Variants in TFG observed in about 807,000 individuals in gnomAD.
TFG encodes the protein protein TFG.
Under a neutral mutation model 51.4 loss-of-function variants are expected in TFG, and 22 were observed. That is an observed-to-expected ratio of 0.43 (90% CI 0.31 to 0.61). TFG has a LOEUF of 0.61. Among genes scored for constraint, TFG ranks in the 20% least tolerant of loss-of-function variants. The pLI, the probability that TFG is intolerant of heterozygous loss-of-function variation, is 0.12. For synonymous variants in TFG, 187 were observed against 165.6 expected (o/e 1.13, Z -0.99); for missense variants, 419 against 487.7 (o/e 0.86, Z 1.33).
Position 100,748,527 on chromosome 3 carries a change from G to A in TFG, c.1199G>A (p.Arg400Gln), listed in dbSNP as rs963151000. Residue 400 changes from arginine to glutamine, a missense_variant, in exon 8 of 8, where the codon CGA becomes CAA. By Grantham distance (43) the Arg-to-Gln change is conservative. Coordinates refer to ENST00000240851, the MANE Select transcript of TFG (RefSeq NM_006070.6). ...QGYTQPGPGY[R>Q] ...TATACCCAACCTGGACCTGGTTATCGATAAGGAGGCTCCTCTACACCAATT... is the reference window on the plus strand; with the variant it reads ...TATACCCAACCTGGACCTGGTTATCAATAAGGAGGCTCCTCTACACCAATT... 11 of 1,609,582 alleles carry A rather than the reference G, an allele frequency of 6.8e-6. No homozygotes were observed. Among genetic ancestry groups the A allele is most frequent in the East Asian group, 2.2e-5 (1 of 44,800 alleles).
chr3:100,710,895 G>C (rs1028910919), intron 1 of TFG: 1 of 152,160 alleles, frequency 6.6e-6, no homozygotes, highest in African/African-American at 2.4e-5. Context: ...AGTAATGTTG[G>C]GTTGGGATTT....
At chr3:100,736,452 C>T (rs901326385) in intron 5 of TFG, 124 bp from the exon 6 acceptor site, 6 of 984,748 alleles carry the variant, frequency 6.1e-6, no homozygotes, top group Admixed American at 2.6e-5. Context: ...TGTAAAAAGG[C>T]GTATTTGTGG....
intron 2 of TFG, 91 bp downstream of exon 2, chr3:100,713,960 G>C (rs963004546): frequency 7.5e-6 from 6 of 804,112 alleles, no homozygotes; most frequent in Non-Finnish European, 1.1e-5. Flanking sequence ...GAGTACAGTG[G>C]TGTGATCATA....
intron 5 of TFG, 145 bp from the exon 6 acceptor site, chr3:100,736,431 C>T: frequency 2.5e-6 from 2 of 810,766 alleles, no homozygotes; most frequent in South Asian, 4.4e-5. Context: ...AAATAAAGTA[C>T]ATACATTTAA....
chr3:100,709,453 AG>A (rs1038336742), upstream of TFG: 1 of 152,154 alleles, frequency 6.6e-6, no homozygotes, highest in Non-Finnish European at 1.5e-5. Flanking sequence ...CGCAATAAGG[AG>A]GGGCGAAAGG....
intron 6 of TFG, among the ~76,000 whole-genome samples, chr3:100,737,113 G>A (rs1286309964): frequency 1.3e-5 from 2 of 152,178 alleles, no homozygotes; most frequent in Non-Finnish European, 2.9e-5. Flanking sequence ...TTTCTGAATA[G>A]AGGTAAAGGA....
At chr3:100,712,334 G>A (rs1559703082) in intron 1 of TFG, among the ~76,000 whole-genome samples, 1 of 152,144 alleles carries the variant, frequency 6.6e-6, no homozygotes, top group Non-Finnish European at 1.5e-5. Context: ...CACATACCCC[G>A]AAAGAATAAA....
At chr3:100,715,698 G>A (rs1344861680) in intron 2 of TFG, among the ~76,000 whole-genome samples, 1 of 151,780 alleles carries the variant, frequency 6.6e-6, no homozygotes, top group African/African-American at 2.4e-5. Context: ...CTGTGACTTT[G>A]AAATGTGTGT....
At position 100,725,920 on chromosome 3, in the gene TFG, T is replaced by C. The variant is rs143508894; in HGVS notation, c.269-2792T>C. Among the ~76,000 whole-genome samples, 523 of 152,364 alleles carry C rather than the reference T, an allele frequency of 3.4e-3. 5 individuals carry two copies. Among genetic ancestry groups the C allele is most frequent in the Non-Finnish European group, 5.0e-3 (342 of 68,036 alleles). On this transcript the variant is annotated intron_variant, in intron 3 of 7. Transcript: ENST00000240851. Reference sequence around the variant, plus strand: ...TCACACTAATGAAGATACATTATTATGTGTGCTAGGGTTCTCCAGAGGGAT... The same window carrying C: ...TCACACTAATGAAGATACATTATTACGTGTGCTAGGGTTCTCCAGAGGGAT...
chr3:100,718,549 GTTTTTTT>G (rs57611480), intron 2 of TFG, among the ~76,000 whole-genome samples: 15 of 60,074 alleles, frequency 2.5e-4, no homozygotes, highest in African/African-American at 8.4e-4. Context: ...GTATTTCATG[GTTTTTTT>G]TTTTTTTTTT....
intron 2 of TFG, among the ~76,000 whole-genome samples, chr3:100,716,717 A>G (rs1415519408): frequency 2.6e-5 from 4 of 152,024 alleles, no homozygotes; most frequent in Non-Finnish European, 5.9e-5. Context: ...TATCTTTTTG[A>G]TAATAACCAT....
intron 6 of TFG, 143 bp downstream of exon 6, chr3:100,736,859 A>G: frequency 1.2e-6 from 1 of 846,464 alleles, no homozygotes; most frequent in Non-Finnish European, 1.8e-6. Context: ...TGATGTTAAA[A>G]AACCAAATAG....
intron 6 of TFG, among the ~76,000 whole-genome samples, chr3:100,741,151 A>C (rs1342333591): frequency 3.3e-5 from 5 of 152,158 alleles, no homozygotes; most frequent in Admixed American, 2.6e-4. Flanking sequence ...AAATCATTAG[A>C]GTGTACTCCT....
At chr3:100,745,867 A>G (rs1032967138) in intron 7 of TFG, among the ~76,000 whole-genome samples, 2 of 152,182 alleles carry the variant, frequency 1.3e-5, no homozygotes, top group Non-Finnish European at 1.5e-5. Flanking sequence ...GGGCACTAGA[A>G]TGGCAGAGTT....
At chr3:100,744,675 A>G (rs547876263) in intron 6 of TFG, 158 bp from the exon 7 acceptor site, 15 of 500,794 alleles carry the variant, frequency 3.0e-5, no homozygotes, top group Non-Finnish European at 5.1e-5. Context: ...AAAATGGTTC[A>G]TTCTCTTCTT....
intron 3 of TFG, among the ~76,000 whole-genome samples, chr3:100,728,321 T>C (rs1903744): frequency 0.37 from 56,344 of 151,262 alleles, 10,725 homozygotes; most frequent in South Asian, 0.49. Flanking sequence ...TTTTAAGTTA[T>C]ATAATTTTTA....
At chr3:100,746,383 A>G (rs944726498) in intron 7 of TFG, among the ~76,000 whole-genome samples, 3 of 152,140 alleles carry the variant, frequency 2.0e-5, no homozygotes, top group African/African-American at 4.8e-5. Flanking sequence ...TGACTTGTCA[A>G]AGCACATACA....
intron 1 of TFG, among the ~76,000 whole-genome samples, chr3:100,711,984 G>A (rs2095032651): frequency 1.3e-5 from 2 of 152,196 alleles, no homozygotes; most frequent in African/African-American, 4.8e-5. Context: ...TCCATTGTGA[G>A]AACTGGCAGA....
At chr3:100,729,344 AAC>A (rs1200168297) in intron 4 of TFG, among the ~76,000 whole-genome samples, 2 of 152,196 alleles carry the variant, frequency 1.3e-5, no homozygotes, top group Non-Finnish European at 2.9e-5. Context: ...GTAAATTTGA[AAC>A]ACAGTTTTTA....
Sources: gnomAD v4.1 joint callset for allele counts (sites outside exome capture counted in the v4.1 genomes callset) on GRCh38, gnomAD v4.1.1 for gene constraint, MANE v1.5 for transcripts, NCBI Gene and HGNC (gene_info 2026-07-23, HGNC 2026-07-21) for gene names.